TSPAN3: variants seen among roughly 807,000 people sequenced by gnomAD.
The protein encoded by TSPAN3 is tetraspanin-3.
Under a neutral mutation model 31.1 loss-of-function variants are expected in TSPAN3, and 9 were observed. The observed-to-expected ratio is 0.29, with a 90% CI of 0.17 to 0.50. TSPAN3 has a LOEUF of 0.50. Among genes scored for constraint, TSPAN3 ranks in the 20% least tolerant of loss-of-function variants. TSPAN3 has a pLI of 0.98. For missense variants in TSPAN3, 252 were observed against 313.5 expected (o/e 0.80, Z 1.48); for synonymous variants, 129 against 114.3 (o/e 1.13, Z -0.82).
chr15:77,052,190 G>A (rs1294274801), intron 6 of TSPAN3, among the ~76,000 whole-genome samples, 195 bp downstream of exon 6: 3 of 152,166 alleles, frequency 2.0e-5, no homozygotes, highest in Non-Finnish European at 2.9e-5. Context: ...CCAGATTTCT[G>A]GTTTCTTTAG....
At chr15:77,070,583 G>GGA (rs1555686583) in intron 1 of TSPAN3, among the ~76,000 whole-genome samples, 2 of 93,312 alleles carry the variant, frequency 2.1e-5, no homozygotes, top group Admixed American at 1.1e-4. Flanking sequence ...CGGCGACTCC[G>GGA]GGGGGGGGAG....
At chr15:77,057,274 T>C (rs755448354) in intron 1 of TSPAN3, among the ~76,000 whole-genome samples, 46 of 152,246 alleles carry the variant, frequency 3.0e-4, no homozygotes, top group Non-Finnish European at 5.4e-4. Flanking sequence ...TGAGTTATCA[T>C]TTGTAGAGTA....
rs867927653 is a variant in TSPAN3 at position 77,070,875 on chromosome 15, T to G, written c.63+17A>C. On this transcript the variant is annotated intron_variant, in intron 1 of 6. Transcript: ENST00000267970. ...CGGCCCCGCCGCCGGCCCCTCGCTC[T>G]GCCCGGCCCCGCTCACCCAGAAGAT... 1 of 1,328,920 alleles carries G rather than the reference T, an allele frequency of 7.5e-7. No homozygotes were observed. The highest frequency in any genetic ancestry group is 2.0e-5 in the South Asian group (1 of 51,196). The allele number at this position is 1,328,920 out of a possible 1,614,324, so 82.3% of individuals were successfully genotyped here.
chr15:77,041,978 C>G lies in TSPAN3; in HGVS notation c.*4857G>C, dbSNP rs895189035. ...TAGTGGAGGCACTGGAGGCAGCCTG[C>G]AGGCCTGCCCTTTATACACCTTGGT... is the stretch of plus-strand genomic sequence containing the variant. On this transcript the variant is annotated 3_prime_UTR_variant, in exon 7 of 7. Coordinates refer to ENST00000267970, the MANE Select transcript of TSPAN3 (RefSeq NM_005724.6). The G allele has an allele frequency of 2.6e-5, 4 of 152,200 alleles. No homozygotes were observed. The highest frequency in any genetic ancestry group is 9.6e-5 in the African/African-American group (4 of 41,456). 9.4% of individuals were successfully genotyped at this position (152,200 alleles called of 1,614,324 possible).
chr15:77,044,859 T>G lies in TSPAN3; in HGVS notation c.*1976A>C, dbSNP rs1042257843. 6.6e-6 allele frequency: 1 copy of G among 152,002 alleles called. No homozygotes were observed. The highest frequency in any genetic ancestry group is 1.5e-5 in the Non-Finnish European group (1 of 68,064). 9.4% of individuals were successfully genotyped at this position (152,002 alleles called of 1,614,324 possible). A position where few individuals can be genotyped will look rare whatever the true frequency, so the allele number is the denominator to read the frequency against. On this transcript the variant is annotated 3_prime_UTR_variant, in exon 7 of 7. Transcript: ENST00000267970. ...ATATTGAAAACTGGGGGGACCATGCTCGGGGGAGGTGGTGGTAGTGAAAGG... is the reference window on the plus strand; with the variant it reads ...ATATTGAAAACTGGGGGGACCATGCGCGGGGGAGGTGGTGGTAGTGAAAGG...
intron 2 of TSPAN3, 89 bp downstream of exon 2, chr15:77,055,975 C>G: frequency 6.6e-7 from 1 of 1,518,030 alleles, no homozygotes; most frequent in Non-Finnish European, 8.9e-7. Flanking sequence ...AATGTTAACT[C>G]TGTTCCAACT....
At position 77,052,907 on chromosome 15, in the gene TSPAN3, T is replaced by G; in HGVS notation, c.455A>C (p.Asn152Thr). 4 of 1,613,924 alleles carry G rather than the reference T, an allele frequency of 2.5e-6. No individual in the cohort carries two copies. The highest frequency in any genetic ancestry group is 3.4e-6 in the Non-Finnish European group (4 of 1,179,858). The change falls in exon 5 of 7, where the codon AAC becomes ACC. Residue 152 changes from asparagine (N) to threonine (T), a missense_variant. Asn to Thr is a moderately conservative substitution (Grantham distance 65, BLOSUM62 0). Coordinates refer to ENST00000267970, the MANE Select transcript of TSPAN3 (RefSeq NM_005724.6). Reference protein sequence around the residue: ...QRQLHCCGIHNYSDWENTDWF... With the variant: ...QRQLHCCGIHTYSDWENTDWF... ...ATCTGTATTTTCCCAGTCTGAGTAGTTGTGAATTCCACAACAATGCAGCTA... is the reference window on the plus strand; with the variant it reads ...ATCTGTATTTTCCCAGTCTGAGTAGGTGTGAATTCCACAACAATGCAGCTA...
intron 1 of TSPAN3, among the ~76,000 whole-genome samples, chr15:77,057,087 T>C (rs2076773312): frequency 6.6e-6 from 1 of 152,218 alleles, no homozygotes; most frequent in Non-Finnish European, 1.5e-5. Context: ...TTATTTCAGC[T>C]GCTGCTCCAG....
At chr15:77,058,662 T>C (rs1274646753) in intron 1 of TSPAN3, among the ~76,000 whole-genome samples, 1 of 152,212 alleles carries the variant, frequency 6.6e-6, no homozygotes, top group East Asian at 1.9e-4. Flanking sequence ...GAACAGTACT[T>C]GGCAGACAGC....
At chr15:77,070,248 T>C (rs529531435) in intron 1 of TSPAN3, among the ~76,000 whole-genome samples, 1 of 152,296 alleles carries the variant, frequency 6.6e-6, no homozygotes, top group African/African-American at 2.4e-5. Context: ...ATCATATATT[T>C]AACCAAGAGT....
intron 1 of TSPAN3, chr15:77,067,592 T>C (rs1240238368): frequency 6.6e-6 from 1 of 152,232 alleles, no homozygotes; most frequent in African/African-American, 2.4e-5. Context: ...ATAAGCTCTA[T>C]GGAGAGTATG....
chr15:77,066,925 C>A (rs1316755016), intron 1 of TSPAN3, among the ~76,000 whole-genome samples: 30 of 152,096 alleles, frequency 2.0e-4, no homozygotes, highest in Non-Finnish European at 1.5e-4. Flanking sequence ...CTGGTCAGGG[C>A]CTTCTGCAAA....
chr15:77,052,614 C>G (rs2076739487), intron 5 of TSPAN3, 146 bp from the exon 6 acceptor site: 1 of 1,092,784 alleles, frequency 9.2e-7, no homozygotes, highest in East Asian at 2.5e-5. Context: ...AATTTACAGA[C>G]ATGTAATTAA....
Position 77,070,301 on chromosome 15 carries a change from G to A in TSPAN3, c.63+591C>T, listed in dbSNP as rs986818795. Among the ~76,000 whole-genome samples, 16 of 152,142 alleles carry A rather than the reference G, an allele frequency of 1.1e-4. 1 individual carries two copies. The highest frequency in any genetic ancestry group is 9.2e-4 in the Admixed American group (14 of 15,282). ...GTCACCCCCATGACCAAAACAAATA[G>A]ACCGATGTTCTTGGTCAATGGATTA... On this transcript the variant is annotated intron_variant, in intron 1 of 6. Coordinates refer to ENST00000267970, the MANE Select transcript of TSPAN3 (RefSeq NM_005724.6).
intron 6 of TSPAN3, among the ~76,000 whole-genome samples, chr15:77,050,412 T>C (rs1250158086): frequency 6.6e-6 from 1 of 152,166 alleles, no homozygotes; most frequent in South Asian, 2.1e-4. Flanking sequence ...GTGACTTAAG[T>C]ATAAAACACA....
rs1346406918 is a variant in TSPAN3, at chr15:77,046,835, C to G, written c.762G>C (p.Ter254TyrextTer6). The change falls in exon 7 of 7, where the codon TAG becomes TAC. Residue 254 changes from the stop codon to tyrosine, a stop_lost. Coordinates refer to ENST00000267970, the MANE Select transcript of TSPAN3 (RefSeq NM_005724.6). Reference protein sequence around the residue: ...ELLITGGTYA* With the variant: ...ELLITGGTYAY Reference sequence around the variant, plus strand: ...AAAAAGCTCAGGCTTGAGTTGTCAACTATGCATAGGTTCCGCCAGTGATGA... The same window carrying G: ...AAAAAGCTCAGGCTTGAGTTGTCAAGTATGCATAGGTTCCGCCAGTGATGA... 6.3e-7 allele frequency: 1 copy of G among 1,586,742 alleles called. No homozygotes were observed. The highest frequency in any genetic ancestry group is 8.6e-7 in the Non-Finnish European group (1 of 1,163,240).
chr15:77,060,308 T>G (rs889777290), intron 1 of TSPAN3, among the ~76,000 whole-genome samples: 3 of 152,232 alleles, frequency 2.0e-5, no homozygotes, highest in Non-Finnish European at 4.4e-5. Context: ...ATTTTGCTTT[T>G]ACTGAAATCT....
In TSPAN3 at chr15:77,071,023, G is replaced by A; in HGVS notation, c.-69C>T. The stretch of plus-strand genomic sequence containing the variant: ...CGCTCACCGAGAGAGCGGCAATGGC[G>A]GCGGCGCCTCCTCGCTAGGAACTGC... On this transcript the variant is annotated 5_prime_UTR_variant, in exon 1 of 7. Transcript: ENST00000267970. 8.5e-6 allele frequency: 10 copies of A among 1,182,910 alleles called. No individual in the cohort carries two copies. Among genetic ancestry groups the A allele is most frequent in the South Asian group, 4.2e-5 (2 of 47,808 alleles). The allele number at this position is 1,182,910 out of a possible 1,614,324, so 73.3% of individuals were successfully genotyped here.
At chr15:77,057,515 T>C (rs938261470) in intron 1 of TSPAN3, among the ~76,000 whole-genome samples, 1 of 152,194 alleles carries the variant, frequency 6.6e-6, no homozygotes, top group Non-Finnish European at 1.5e-5. Context: ...AAAGACTCCA[T>C]TTATGTAAAT....
Sources: allele counts gnomAD v4.1 joint callset (sites outside exome capture counted in the v4.1 genomes callset), GRCh38; gene constraint gnomAD v4.1.1; transcripts MANE v1.5; gene names NCBI Gene and HGNC (gene_info 2026-07-23, HGNC 2026-07-21).